The following UBE4B variants were observed in gnomAD, a reference collection of about 807,000 sequenced individuals.
UBE4B encodes the protein ubiquitination factor E4B.
UBE4B carries 27 observed loss-of-function variants against 148.1 expected under a neutral mutation model. The observed-to-expected ratio is 0.18, with a 90% confidence interval of 0.13 to 0.25. The LOEUF (loss-of-function observed/expected upper bound fraction) is 0.25. Ranked by LOEUF, UBE4B falls within the 10% of genes least tolerant of loss-of-function variation. UBE4B has a pLI of 1.00. For missense variants in UBE4B, 1,170 were observed against 1,662.4 expected (o/e 0.70, Z 5.15); for synonymous variants, 596 against 619.3 (o/e 0.96, Z 0.56).
Position 10,179,913 on chromosome 1 carries a change from A to G in UBE4B, c.3866A>G (p.Gln1289Arg), listed in dbSNP as rs760943458. The change falls in exon 28 of 28, where the codon CAG becomes CGG. Residue 1289 changes from glutamine to arginine, a missense_variant. This residue lies in a region of UBE4B where 348 missense variants were observed against 627.2 expected (regional missense o/e 0.55). Coordinates refer to ENST00000343090, the MANE Select transcript of UBE4B (RefSeq NM_001105562.3). ...TTCTCAGTGCCAGAACTGAAAGAGC[A>G]GATTCAGGCGTGGATGAGAGAGAAA... ...MLEPVPELKE[Q>R]IQAWMREKQN... is the part of the protein sequence containing the mutation. 1 of 1,614,144 alleles carries G rather than the reference A, an allele frequency of 6.2e-7. No individual in the cohort carries two copies. The highest frequency in any genetic ancestry group is 1.1e-5 in the South Asian group (1 of 91,084).
intron 2 of UBE4B, among the ~76,000 whole-genome samples, chr1:10,076,969 A>G (rs929550641): frequency 6.6e-6 from 1 of 150,860 alleles, no homozygotes; most frequent in Non-Finnish European, 1.5e-5. Flanking sequence ...CTGGTCTCGA[A>G]CTCCTGACCT....
intron 24 of UBE4B, among the ~76,000 whole-genome samples, chr1:10,170,236 C>A (rs887672440): frequency 1.3e-5 from 2 of 152,150 alleles, no homozygotes; most frequent in African/African-American, 2.4e-5. Context: ...TAGCTCAGAT[C>A]TCTCCTACTT....
At chr1:10,054,724 C>T (rs576791829) in intron 1 of UBE4B, 31 of 236,790 alleles carry the variant, frequency 1.3e-4, no homozygotes, top group South Asian at 7.7e-4. Context: ...GTAACACTTG[C>T]GGGGCATTTT....
At chr1:10,162,351 T>C (rs1218243825) in intron 23 of UBE4B, among the ~76,000 whole-genome samples, 1 of 152,134 alleles carries the variant, frequency 6.6e-6, no homozygotes, top group Non-Finnish European at 1.5e-5. Context: ...TTTTTTGTAT[T>C]TTTAGTAGAG....
In UBE4B at chr1:10,095,073, C is replaced by T. The variant is rs116364469; in HGVS notation, c.212-388C>T. 6.0e-3 allele frequency among the ~76,000 whole-genome samples: 910 copies of T among 152,262 alleles called. 8 individuals are homozygous for T. The highest frequency in any genetic ancestry group is 0.011 in the Admixed American group (169 of 15,300). On this transcript the variant is annotated intron_variant, in intron 2 of 27. Coordinates refer to ENST00000343090, the MANE Select transcript of UBE4B (RefSeq NM_001105562.3). The stretch of plus-strand genomic sequence containing the variant: ...GGATTCCAGGCATGAGCCACTGCAT[C>T]GGCCTGGTTTATTAATATATCTTCT...
chr1:10,085,396 C>T (rs1046088562), intron 2 of UBE4B, among the ~76,000 whole-genome samples: 3 of 152,166 alleles, frequency 2.0e-5, no homozygotes, highest in South Asian at 4.1e-4. Context: ...GACATCTTCC[C>T]GAGGCTCCCT....
intron 24 of UBE4B, among the ~76,000 whole-genome samples, chr1:10,169,829 A>G (rs1054799350): frequency 6.6e-6 from 1 of 152,232 alleles, no homozygotes; most frequent in Non-Finnish European, 1.5e-5. Flanking sequence ...AGCCTGGCCA[A>G]CATGGCGAAA....
chr1:10,084,345 C>G (rs189256388), intron 2 of UBE4B, among the ~76,000 whole-genome samples: 8 of 152,298 alleles, frequency 5.3e-5, no homozygotes, highest in Admixed American at 3.3e-4. Context: ...ATAATCTAAT[C>G]CGAGGGCTTG....
chr1:10,118,271 C>G (rs1430070236), intron 8 of UBE4B, among the ~76,000 whole-genome samples: 1 of 152,080 alleles, frequency 6.6e-6, no homozygotes, highest in African/African-American at 2.4e-5. Context: ...TGTAAAGGGC[C>G]TTCTTTGGGC....
At chr1:10,121,382 A>G (rs1362367199) in intron 9 of UBE4B, among the ~76,000 whole-genome samples, 1 of 152,090 alleles carries the variant, frequency 6.6e-6, no homozygotes, top group African/African-American at 2.4e-5. Flanking sequence ...CAACAAAAAA[A>G]ACATATAATA....
chr1:10,054,787 T>TG (rs1644129567), intron 1 of UBE4B: 1 of 158,448 alleles, frequency 6.3e-6, no homozygotes, highest in South Asian at 1.7e-4. Flanking sequence ...TTTCTCCTTT[T>TG]TTTTTTTTTT....
intron 10 of UBE4B, among the ~76,000 whole-genome samples, chr1:10,123,347 C>T (rs1012231293): frequency 6.9e-6 from 1 of 145,254 alleles, no homozygotes; most frequent in Non-Finnish European, 1.5e-5. Context: ...AGGAGAATTG[C>T]TTGAACCAAG....
intron 15 of UBE4B, among the ~76,000 whole-genome samples, chr1:10,132,878 A>G (rs142251510): frequency 6.6e-6 from 1 of 152,210 alleles, no homozygotes; most frequent in South Asian, 2.1e-4. Context: ...CAGCTTTGGT[A>G]CAAGCCCAGC....
chr1:10,179,146 AGCCTGT>A (rs1356106615), intron 26 of UBE4B: 1 of 494,278 alleles, frequency 2.0e-6, no homozygotes, highest in African/African-American at 2.0e-5. Flanking sequence ...CTCGCCACGG[AGCCTGT>A]GGGGCCTGCT....
chr1:10,033,595 A>ACTC lies in UBE4B; in HGVS notation c.-75_-73dup. ...CCAGACAGCCTGATAGACACCTTCC[A>ACTC]CTCTCCTTCCTCCCGCCGTGGTCTC... On this transcript the variant is annotated 5_prime_UTR_variant, in exon 1 of 28. Transcript: ENST00000343090. 1 of 1,433,858 alleles carries ACTC rather than the reference A, an allele frequency of 7.0e-7. No homozygotes were observed. The allele number at this position is 1,433,858 out of a possible 1,614,324, so 88.8% of individuals were successfully genotyped here. A position where few individuals can be genotyped will look rare whatever the true frequency, so the allele number is the denominator to read the frequency against.
chr1:10,065,339 C>T (rs184699151), intron 1 of UBE4B, among the ~76,000 whole-genome samples: 22 of 152,154 alleles, frequency 1.4e-4, no homozygotes, highest in Admixed American at 1.3e-3. Context: ...GGGCAAGTGG[C>T]GGGAGGAGCA....
Position 10,065,685 on chromosome 1 carries a change from C to T in UBE4B, c.25-6343C>T, listed in dbSNP as rs116341217. Among the ~76,000 whole-genome samples the T allele has an allele frequency of 9.2e-3, 1,406 of 152,206 alleles. 16 individuals carry two copies. Among genetic ancestry groups the T allele is most frequent in the African/African-American group, 0.031 (1,304 of 41,506 alleles). On this transcript the variant is annotated intron_variant, in intron 1 of 27. Coordinates refer to ENST00000343090, the MANE Select transcript of UBE4B (RefSeq NM_001105562.3). ...GAAGACGTTATGGAGCAGGGCTACA[C>T]TTTCATCTGAATGTTTTCCCACGGT... is the stretch of plus-strand genomic sequence containing the variant.
At position 10,171,122 on chromosome 1, in the gene UBE4B, T is replaced by C; in HGVS notation, c.3334-16T>C. 1.2e-6 allele frequency: 2 copies of C among 1,611,318 alleles called. No homozygotes were observed. The highest frequency in any genetic ancestry group is 1.7e-6 in the Non-Finnish European group (2 of 1,178,472). ...CTCAACAGCATGAATTGTCCTATTA[T>C]CCTGTGATTTCCTAGGAGCTTGGAC... On this transcript the variant is annotated splice_polypyrimidine_tract_variant and intron_variant, in intron 24 of 27. Transcript: ENST00000343090.
rs1181189771 is a variant in UBE4B, at chr1:10,168,199, G to A, written c.3262G>A (p.Ala1088Thr). 3.7e-6 allele frequency: 6 copies of A among 1,613,886 alleles called. No homozygotes were observed. The South Asian group carries it at 5.5e-5, about 15-fold the overall frequency. The change falls in exon 24 of 28, where the codon GCC becomes ACC. Residue 1088 changes from alanine (A) to threonine (T), a missense_variant. This residue lies in a region of UBE4B where 348 missense variants were observed against 627.2 expected (regional missense o/e 0.55). Coordinates refer to ENST00000343090, the MANE Select transcript of UBE4B (RefSeq NM_001105562.3). The surrounding 1 kb of genome is among the most constrained non-coding windows in gnomAD (Gnocchi z 4.9). ...TGAGCGTGTGTCCCGCTCTTACCTCGCCCTGGCCACCGAAACCGTGGACAT... is the reference window on the plus strand; with the variant it reads ...TGAGCGTGTGTCCCGCTCTTACCTCACCCTGGCCACCGAAACCGTGGACAT... ...QDERVSRSYL[A>T]LATETVDMFH...
Sources: allele counts gnomAD v4.1 joint callset (sites outside exome capture counted in the v4.1 genomes callset), GRCh38; gene constraint gnomAD v4.1.1; regional missense constraint gnomAD v4.1.1; non-coding constraint Gnocchi (gnomAD v3.1); transcripts MANE v1.5; gene names NCBI Gene and HGNC (gene_info 2026-07-23, HGNC 2026-07-21).